The following CTNND1 variants were observed in gnomAD, a reference collection of about 807,000 sequenced individuals.
The protein encoded by CTNND1 is catenin delta-1.
Under a neutral mutation model 112.1 loss-of-function variants are expected in CTNND1, and 16 were observed. The ratio of observed to expected loss-of-function variants is 0.14; its 90% CI spans 0.10 to 0.22. The LOEUF is 0.22. Ranked by LOEUF, CTNND1 falls within the 10% of genes least tolerant of loss-of-function variation. CTNND1 has a pLI of 1.00. For missense variants in CTNND1, 1,008 were observed against 1,257.0 expected, an observed-to-expected ratio of 0.80 and a Z score of 3.00; for synonymous variants, 420 against 446.5, an observed-to-expected ratio of 0.94 and a Z score of 0.75.
In CTNND1 at chr11:57,792,910, A is replaced by C. The variant is rs1025897603; in HGVS notation, c.196-1100A>C. Among the ~76,000 whole-genome samples, 29 of 150,718 alleles carry C rather than the reference A, an allele frequency of 1.9e-4. 1 individual carries two copies. The highest frequency in any genetic ancestry group is 1.7e-3 in the Admixed American group (25 of 15,106). The stretch of plus-strand genomic sequence containing the variant: ...TGCAGTTGAGAGAGAACAGAATTCC[A>C]GTTGGAGGATCAAGGAATTTGAGGG... On this transcript the variant is annotated intron_variant, in intron 3 of 20. Transcript: ENST00000399050.
chr11:57,795,295 A>G (rs2061244243), intron 4 of CTNND1, among the ~76,000 whole-genome samples: 1 of 152,254 alleles, frequency 6.6e-6, no homozygotes, highest in African/African-American at 2.4e-5. Context: ...ATGTTCACTT[A>G]GATGACCACA....
chr11:57,806,454 C>G lies in CTNND1; in HGVS notation c.1877-7C>G, dbSNP rs896911139. 4.4e-6 allele frequency: 7 copies of G among 1,601,964 alleles called. No individual in the cohort carries two copies. Among genetic ancestry groups the G allele is most frequent in the African/African-American group, 1.3e-5 (1 of 74,846 alleles). The stretch of plus-strand genomic sequence containing the variant: ...TCTGCTTTCTACCTTGGGTGATGCA[C>G]TGGAAGATGAGTGGTTCTCCAGAGG... On this transcript the variant is annotated splice_region_variant and splice_polypyrimidine_tract_variant and intron_variant, in intron 10 of 20. Transcript: ENST00000399050.
At chr11:57,796,382 A>T in intron 5 of CTNND1, 75 bp from the exon 6 acceptor site, 1 of 1,368,186 alleles carries the variant, frequency 7.3e-7, no homozygotes. Flanking sequence ...GCAAGACTCC[A>T]TCTCAAAAAA....
At chr11:57,799,940 C>A (rs962677584) in intron 6 of CTNND1, among the ~76,000 whole-genome samples, 1 of 146,400 alleles carries the variant, frequency 6.8e-6, no homozygotes, top group African/African-American at 2.5e-5. Context: ...GCTTAATAGC[C>A]TACTTTTAAG....
In CTNND1 at chr11:57,789,156, G is replaced by A. The variant is rs1210193022; in HGVS notation, c.-95+1G>A. On this transcript the variant is annotated splice_donor_variant, in intron 2 of 20. Coordinates refer to ENST00000399050, the MANE Select transcript of CTNND1 (RefSeq NM_001085458.2). LOFTEE classifies it low-confidence loss of function (5UTR_SPLICE). The stretch of plus-strand genomic sequence containing the variant: ...ATCAGTTGCGACCTTCTCTTAACAG[G>A]TGTGTATGGAAATATGTTTATTAAG... 7 of 1,490,812 alleles carry A rather than the reference G, an allele frequency of 4.7e-6. No individual in the cohort carries two copies. Among genetic ancestry groups the A allele is most frequent in the Non-Finnish European group, 3.6e-6 (4 of 1,117,302 alleles). The allele number at this position is 1,490,812 out of a possible 1,614,324, so 92.3% of individuals were successfully genotyped here. A position where few individuals can be genotyped will look rare whatever the true frequency, so the allele number is the denominator to read the frequency against.
intron 1 of CTNND1, among the ~76,000 whole-genome samples, chr11:57,784,882 C>T (rs945332688): frequency 6.6e-6 from 1 of 152,070 alleles, no homozygotes; most frequent in Non-Finnish European, 1.5e-5. Context: ...GCTCTGAAGA[C>T]AAAATTATTT....
At position 57,791,498 on chromosome 11, in the gene CTNND1, AGT is replaced by A; in HGVS notation, c.21_22del (p.Glu7AspfsTer17). 6.4e-7 allele frequency: 1 copy of A among 1,557,790 alleles called. No homozygotes were observed. Among genetic ancestry groups the A allele is most frequent in the Non-Finnish European group, 8.7e-7 (1 of 1,151,234 alleles). ...ACCTTCATGGACGACTCAGAGGTGG[AGT>A]CGACCGCCAGCATCTTGGCCTCTGT... On this transcript the variant is annotated frameshift_variant, in exon 3 of 21. Transcript: ENST00000399050. LOFTEE classifies it high-confidence loss of function.
chr11:57,791,678 C>T lies in CTNND1; in HGVS notation c.195+5C>T. 2.6e-6 allele frequency: 4 copies of T among 1,544,288 alleles called. No individual in the cohort carries two copies. The African/African-American group carries it at 5.5e-5, about 21-fold the overall frequency. The stretch of plus-strand genomic sequence containing the variant: ...ACACTCACCCGCCGGCATCAGGTAA[C>T]CCCTCTCTCCATCAGACGTGCAGGT... On this transcript the variant is annotated splice_donor_5th_base_variant and intron_variant, in intron 3 of 20. Transcript: ENST00000399050.
chr11:57,810,132 G>T lies in CTNND1; in HGVS notation c.2459G>T (p.Arg820Leu). 6.2e-7 allele frequency: 1 copy of T among 1,610,404 alleles called. No individual in the cohort carries two copies. The change falls in exon 16 of 21, where the codon CGA becomes CTA. Residue 820 changes from arginine (R) to leucine (L), a missense_variant. Physicochemically the swap from Arg to Leu is moderately radical, Grantham distance 102 (BLOSUM62 -2). Transcript: ENST00000399050. ...KSGNRSEKEV[R>L]AAALVLQTIW... ...AGGAACCGCTCAGAAAAAGAAGTTC[G>T]AGCAGCAGCACTTGTATTACAGACA...
Position 57,808,551 on chromosome 11 carries a change from G to A in CTNND1, c.2242+11G>A. The A allele has an allele frequency of 6.3e-7, 1 of 1,579,856 alleles. No homozygotes were observed. The highest frequency in any genetic ancestry group is 1.4e-5 in the African/African-American group (1 of 73,510). On this transcript the variant is annotated intron_variant, in intron 14 of 20. Transcript: ENST00000399050. ...ACAAAGAATTAATTGGTGAGGAGTT[G>A]AATGCTAACTGTTACCTCAAAATTT...
intron 3 of CTNND1, 110 bp from the exon 4 acceptor site, chr11:57,793,900 A>C: frequency 2.0e-6 from 2 of 1,010,430 alleles, no homozygotes; most frequent in South Asian, 2.6e-5. Flanking sequence ...ACTCCAGGCC[A>C]CACATATCTT....
At position 57,802,237 on chromosome 11, in the gene CTNND1, C is replaced by T. The variant is rs755393782; in HGVS notation, c.1420+41C>T. 1.1e-5 allele frequency: 16 copies of T among 1,515,598 alleles called. 1 individual carries two copies. The South Asian group carries it at 1.6e-4, about 15-fold the overall frequency. The allele number at this position is 1,515,598 out of a possible 1,614,324, so 93.9% of individuals were successfully genotyped here. On this transcript the variant is annotated intron_variant, in intron 7 of 20. Coordinates refer to ENST00000399050, the MANE Select transcript of CTNND1 (RefSeq NM_001085458.2). ...AAGGAAAATTGCTAAGTCAGTGTTA[C>T]TCTCTAGTGATGTTGAGAACTAGAG...
chr11:57,764,645 G>GT (rs1464187277), intron 1 of CTNND1, among the ~76,000 whole-genome samples: 1 of 151,554 alleles, frequency 6.6e-6, no homozygotes, highest in Non-Finnish European at 1.5e-5. Context: ...TGGTTTTTTT[G>GT]TTTGTTTTGT....
In CTNND1 at chr11:57,796,709, A is replaced by G. The variant is rs1418213648; in HGVS notation, c.673A>G (p.Ser225Gly). Residue 225 changes from serine (S) to glycine (G), a missense_variant, in exon 6 of 21, where the codon AGT becomes GGT. By Grantham distance (56) the Ser-to-Gly change is moderately conservative. This residue lies in a region of CTNND1 where 404 missense variants were observed against 457.9 expected (regional missense o/e 0.88). Transcript: ENST00000399050. ...CTATGAAGATGGTTATCCAGGTGGC[A>G]GTGATAACTATGGCAGTCTGTCCCG... ...RHYEDGYPGG[S>G]DNYGSLSRVT... The G allele has an allele frequency of 1.9e-6, 3 of 1,613,930 alleles. No homozygotes were observed. Among genetic ancestry groups the G allele is most frequent in the East Asian group, 4.5e-5 (2 of 44,890 alleles).
chr11:57,809,173 A>G, intron 14 of CTNND1, 101 bp from the exon 15 acceptor site: 1 of 809,638 alleles, frequency 1.2e-6, no homozygotes, highest in South Asian at 1.8e-5. Flanking sequence ...ATTCATGTGG[A>G]CAGCACCTAC....
intron 12 of CTNND1, among the ~76,000 whole-genome samples, chr11:57,807,221 T>C (rs918239737): frequency 3.3e-5 from 5 of 152,166 alleles, no homozygotes; most frequent in African/African-American, 9.7e-5. Flanking sequence ...GTCCTGATGG[T>C]AGTATAGAGC....
rs1467921326 is a variant in CTNND1 at position 57,808,545 on chromosome 11, G to A, written c.2242+5G>A. 2 of 1,587,804 alleles carry A rather than the reference G, an allele frequency of 1.3e-6. No homozygotes were observed. The highest frequency in any genetic ancestry group is 4.5e-5 in the East Asian group (2 of 44,732). ...CTCGCAACAAAGAATTAATTGGTGA[G>A]GAGTTGAATGCTAACTGTTACCTCA... On this transcript the variant is annotated splice_donor_5th_base_variant and intron_variant, in intron 14 of 20. Coordinates refer to ENST00000399050, the MANE Select transcript of CTNND1 (RefSeq NM_001085458.2).
At position 57,811,489 on chromosome 11, in the gene CTNND1, G is replaced by A; in HGVS notation, c.2638+3G>A. On this transcript the variant is annotated splice_donor_region_variant and intron_variant, in intron 17 of 20. Coordinates refer to ENST00000399050, the MANE Select transcript of CTNND1 (RefSeq NM_001085458.2). ...CATTGACCGGAACCAAAAATCAGGT[G>A]CAGTATCCAGAAGGCACACCCTCTC... is the stretch of plus-strand genomic sequence containing the variant. 6.2e-7 allele frequency: 1 copy of A among 1,606,058 alleles called. No homozygotes were observed. Among genetic ancestry groups the A allele is most frequent in the Non-Finnish European group, 8.5e-7 (1 of 1,173,640 alleles).
Position 57,816,797 on chromosome 11 carries a change from G to T in CTNND1, c.*489G>T. ...TATTTTCTTTTAGAGAGGGGAAAGT[G>T]TGAGCTCTTCCCTTATTCCTAATGG... is the stretch of plus-strand genomic sequence containing the variant. On this transcript the variant is annotated 3_prime_UTR_variant, in exon 21 of 21. Transcript: ENST00000399050. 1 of 158,774 alleles carries T rather than the reference G, an allele frequency of 6.3e-6. No individual in the cohort carries two copies. The highest frequency in any genetic ancestry group is 1.8e-4 in the East Asian group (1 of 5,406). The allele number at this position is 158,774 out of a possible 1,614,324, so 9.8% of individuals were successfully genotyped here. A position where few individuals can be genotyped will look rare whatever the true frequency, so the allele number is the denominator to read the frequency against.
Sources: gnomAD v4.1 joint callset for allele counts (sites outside exome capture counted in the v4.1 genomes callset) on GRCh38, gnomAD v4.1.1 for gene constraint, gnomAD v4.1.1 regional missense constraint, MANE v1.5 for transcripts, NCBI Gene and HGNC (gene_info 2026-07-23, HGNC 2026-07-21) for gene names.